TNRC18: variants seen among roughly 807,000 people sequenced by gnomAD.
TNRC18 encodes the protein trinucleotide repeat containing 18, also known as trinucleotide repeat-containing gene 18 protein.
TNRC18 carries 69 observed loss-of-function variants against 226.7 expected under a neutral mutation model. That is an observed-to-expected ratio of 0.30 (90% CI 0.25 to 0.37). The LOEUF is 0.37. Among genes scored for constraint, TNRC18 ranks in the 10% least tolerant of loss-of-function variants. The pLI is 1.00. For synonymous variants in TNRC18, 2,449 were observed against 1,927.6 expected, an observed-to-expected ratio of 1.27 and a Z score of -7.09; for missense variants, 4,754 against 4,256.6, an observed-to-expected ratio of 1.12 and a Z score of -3.25.
At chr7:5,416,226 A>G (rs1046812347) in intron 2 of TNRC18, among the ~76,000 whole-genome samples, 34 of 151,856 alleles carry the variant, frequency 2.2e-4, no homozygotes, top group African/African-American at 8.2e-4. Flanking sequence ...CATCCCGGCT[A>G]ACACGGTGAA....
chr7:5,407,442 CTCCAGCGGA>C (rs1433336485), intron 2 of TNRC18: 2 of 152,288 alleles, frequency 1.3e-5, no homozygotes, highest in East Asian at 3.9e-4. Context: ...CCAGCCTCCG[CTCCAGCGGA>C]AAGCCATCCC....
chr7:5,318,931 C>G (rs1788092878), intron 24 of TNRC18, among the ~76,000 whole-genome samples: 1 of 152,176 alleles, frequency 6.6e-6, no homozygotes, highest in African/African-American at 2.4e-5. Context: ...CCTCAGAAAG[C>G]TACTGAAAGA....
At chr7:5,347,888 G>A (rs1791366633) in intron 17 of TNRC18, among the ~76,000 whole-genome samples, 1 of 152,120 alleles carries the variant, frequency 6.6e-6, no homozygotes, top group African/African-American at 2.4e-5. Flanking sequence ...CCCGGAGGCG[G>A]AGGTTACAGT....
intron 18 of TNRC18, among the ~76,000 whole-genome samples, chr7:5,344,874 A>C (rs1043695199): frequency 3.3e-5 from 5 of 152,218 alleles, no homozygotes; most frequent in African/African-American, 1.2e-4. Flanking sequence ...GCCCTGATGC[A>C]GGGAAACAGT....
In TNRC18 at chr7:5,377,203, C is replaced by T. The variant is rs940096355; in HGVS notation, c.2461+168G>A. ...GCCCCAAACAGGCATGGCAGAGGGG[C>T]CCCACGAGGCAGAGGCCATTATCAT... On this transcript the variant is annotated intron_variant, in intron 7 of 29. Coordinates refer to ENST00000430969, the MANE Select transcript of TNRC18 (RefSeq NM_001080495.3). The surrounding 1 kb of genome is among the most constrained non-coding windows in gnomAD (Gnocchi z 5.8). Among the ~76,000 whole-genome samples, 3 of 152,214 alleles carry T rather than the reference C, an allele frequency of 2.0e-5. No individual in the cohort carries two copies. The highest frequency in any genetic ancestry group is 7.2e-5 in the African/African-American group (3 of 41,456).
At chr7:5,421,715 T>C (rs1264059128) in intron 1 of TNRC18, among the ~76,000 whole-genome samples, 2 of 152,048 alleles carry the variant, frequency 1.3e-5, no homozygotes, top group African/African-American at 4.8e-5. Flanking sequence ...CTCGGAAAAG[T>C]GACCGGCGGC....
intron 5 of TNRC18, among the ~76,000 whole-genome samples, chr7:5,383,957 ATTTTT>A (rs765430615): frequency 1.4e-4 from 11 of 78,794 alleles, no homozygotes; most frequent in Non-Finnish European, 2.2e-4. Context: ...TACCCGGGTG[ATTTTT>A]TTTTTTTTTT....
At chr7:5,398,979 G>A (rs1440653899) in intron 2 of TNRC18, among the ~76,000 whole-genome samples, 1 of 152,182 alleles carries the variant, frequency 6.6e-6, no homozygotes, top group African/African-American at 2.4e-5. Context: ...ACATTAGGGT[G>A]AGGAGAGGAT....
In TNRC18 at chr7:5,345,566, C is replaced by T. The variant is rs1259015354; in HGVS notation, c.5715G>A (p.Leu1905=). ...KARKKEERQS[L]LGTEFEYTDS... ...AGCCCACCTGCTGCCACTTACCCAG[C>T]AGGCTCTGCCGCTCCTCTTTCTTCC... Residue 1905 remains leucine (L), a synonymous_variant, in exon 18 of 30, where the codon CTG becomes CTA. Transcript: ENST00000430969. 4.1e-6 allele frequency: 6 copies of T among 1,468,402 alleles called. No individual in the cohort carries two copies. Among genetic ancestry groups the T allele is most frequent in the South Asian group, 1.2e-5 (1 of 80,054 alleles). The allele number at this position is 1,468,402 out of a possible 1,614,324, so 91.0% of individuals were successfully genotyped here. A position where few individuals can be genotyped will look rare whatever the true frequency, so the allele number is the denominator to read the frequency against.
In TNRC18 at chr7:5,377,435, C is replaced by T. The variant is rs371342224; in HGVS notation, c.2397G>A (p.Leu799=). The T allele has an allele frequency of 4.8e-4, 763 of 1,594,286 alleles. 4 individuals are homozygous for T. Among genetic ancestry groups the T allele is most frequent in the Middle Eastern group, 3.1e-3 (17 of 5,570 alleles). The part of the protein sequence containing the change: ...GRWSADPAAH[L]ATHPWLPRSG... ...AGCGGGGCAACCAGGGGTGCGTGGC[C>T]AGATGGGCTGCGGGGTCGGCAGACC... is the stretch of plus-strand genomic sequence containing the variant. The change falls in exon 7 of 30, where the codon CTG becomes CTA. Residue 799 remains leucine (L), a synonymous_variant. Coordinates refer to ENST00000430969, the MANE Select transcript of TNRC18 (RefSeq NM_001080495.3). The surrounding 1 kb of genome is among the most constrained non-coding windows in gnomAD (Gnocchi z 5.8).
At chr7:5,420,530 C>T (rs780443600) in intron 2 of TNRC18, 12 of 443,956 alleles carry the variant, frequency 2.7e-5, no homozygotes, top group South Asian at 1.1e-4. Flanking sequence ...AGGCTGGGGT[C>T]ACCGTACTCC....
chr7:5,313,917 G>A, intron 26 of TNRC18, 54 bp from the exon 27 acceptor site: 5 of 1,405,458 alleles, frequency 3.6e-6, no homozygotes, highest in Non-Finnish European at 4.6e-6. Context: ...GCAGAGATGA[G>A]CTGTGGCTTT....
chr7:5,410,360 G>A (rs1043064128), intron 2 of TNRC18, among the ~76,000 whole-genome samples: 1 of 150,132 alleles, frequency 6.7e-6, no homozygotes, highest in Non-Finnish European at 1.5e-5. Context: ...ATTAGCCCAG[G>A]AGACCCAGGA....
At chr7:5,356,809 AGCGAGAGAGAGAGTGAGG>A in intron 16 of TNRC18, 89 bp downstream of exon 16, 1 of 1,375,276 alleles carries the variant, frequency 7.3e-7, no homozygotes, top group East Asian at 2.5e-5. Flanking sequence ...AGAGAGCGAG[AGCGAGAGAGAGAGTGAGG>A]GGCGGGGGGG....
intron 19 of TNRC18, 180 bp from the exon 20 acceptor site, chr7:5,325,428 G>T (rs71529390): frequency 0.012 from 5,816 of 466,696 alleles, 21 homozygotes; most frequent in Non-Finnish European, 0.015. Context: ...GTTTTTTTTT[G>T]TTTTTTTTTT....
rs576550386 is a variant in TNRC18 at position 5,324,748 on chromosome 7, G to A, written c.6300+348C>T. 3.3e-5 allele frequency among the ~76,000 whole-genome samples: 5 copies of A among 152,270 alleles called. No homozygotes were observed. The highest frequency in any genetic ancestry group is 1.2e-4 in the African/African-American group (5 of 41,552). On this transcript the variant is annotated intron_variant, in intron 20 of 29. Coordinates refer to ENST00000430969, the MANE Select transcript of TNRC18 (RefSeq NM_001080495.3). This position sits in a 1 kb window ranked among gnomAD's most constrained non-coding sequence, Gnocchi z 4.8. ...ACTCGGGCAGGGGCTAGCAGGTGTG[G>A]GGAGTGGACATGCCATCATCTGCCA...
chr7:5,325,356 C>T (rs1376822220), intron 19 of TNRC18, 108 bp from the exon 20 acceptor site: 30 of 1,296,776 alleles, frequency 2.3e-5, no homozygotes, highest in Admixed American at 1.4e-4. Flanking sequence ...ACCCCAAGTG[C>T]GCCCTCCCAG....
intron 18 of TNRC18, among the ~76,000 whole-genome samples, chr7:5,341,833 C>T (rs1057199185): frequency 6.7e-6 from 1 of 150,106 alleles, no homozygotes; most frequent in African/African-American, 2.4e-5. Flanking sequence ...GCATGATTTA[C>T]TGAATATTTT....
chr7:5,315,312 G>C (rs1262693376), intron 25 of TNRC18, among the ~76,000 whole-genome samples, 164 bp from the exon 26 acceptor site: 2 of 152,212 alleles, frequency 1.3e-5, no homozygotes, highest in Non-Finnish European at 2.9e-5. Context: ...TCCAGCAGGG[G>C]AAACCCCGTC....
Sources: allele counts gnomAD v4.1 joint callset (sites outside exome capture counted in the v4.1 genomes callset), GRCh38; gene constraint gnomAD v4.1.1; non-coding constraint Gnocchi (gnomAD v3.1); transcripts MANE v1.5; gene names NCBI Gene and HGNC (gene_info 2026-07-23, HGNC 2026-07-21).